HM13: variants seen among roughly 807,000 people sequenced by gnomAD.
The protein encoded by HM13 is histocompatibility minor 13.
In HM13, 18 loss-of-function variants were observed where a neutral mutation model predicts 50.0. The ratio of observed to expected loss-of-function variants is 0.36; its 90% CI spans 0.25 to 0.53. The LOEUF (loss-of-function observed/expected upper bound fraction) is 0.53, where lower values mean the gene tolerates loss of function less well. HM13 is among the 20% of genes least tolerant of loss of function. The pLI is 0.90. For missense variants in HM13, 393 were observed against 552.4 expected, an observed-to-expected ratio of 0.71 and a Z score of 2.89; for synonymous variants, 197 against 232.6, an observed-to-expected ratio of 0.85 and a Z score of 1.39.
intron 4 of HM13, among the ~76,000 whole-genome samples, chr20:31,547,177 G>T (rs1983770858): frequency 6.6e-6 from 1 of 152,230 alleles, no homozygotes; most frequent in Non-Finnish European, 1.5e-5. Context: ...GTGCGCATCT[G>T]CAGTCTTCTG....
At chr20:31,536,026 C>G (rs980087857) in intron 2 of HM13, among the ~76,000 whole-genome samples, 5 of 151,818 alleles carry the variant, frequency 3.3e-5, no homozygotes, top group Non-Finnish European at 5.9e-5. Context: ...CCCCCAAGCC[C>G]TTGTATCCAG....
intron 3 of HM13, among the ~76,000 whole-genome samples, chr20:31,544,599 T>A (rs901581342): frequency 1.3e-5 from 2 of 152,252 alleles, no homozygotes; most frequent in African/African-American, 4.8e-5. Flanking sequence ...ATAGGTGGCA[T>A]GTGGGCCAGA....
chr20:31,536,960 T>C (rs1983150929), intron 2 of HM13, among the ~76,000 whole-genome samples: 1 of 152,254 alleles, frequency 6.6e-6, no homozygotes, highest in Non-Finnish European at 1.5e-5. Flanking sequence ...AGCAGCGACT[T>C]TGCCTGATTC....
At chr20:31,515,578 C>T (rs145904300) in intron 1 of HM13, among the ~76,000 whole-genome samples, 2 of 152,182 alleles carry the variant, frequency 1.3e-5, no homozygotes, top group East Asian at 3.9e-4. Flanking sequence ...CAAGACAATC[C>T]CCCCACCAAA....
At chr20:31,567,198 G>T (rs1984973215) in intron 11 of HM13, among the ~76,000 whole-genome samples, 1 of 152,210 alleles carries the variant, frequency 6.6e-6, no homozygotes, top group Non-Finnish European at 1.5e-5. Flanking sequence ...GTGGGGGCTA[G>T]GGGTGAACTT....
Position 31,549,277 on chromosome 20 carries a change from A to G in HM13, c.611A>G (p.Asn204Ser). The change falls in exon 6 of 13, where the codon AAT becomes AGT. Residue 204 changes from asparagine to serine, a missense_variant. By Grantham distance (46) the Asn-to-Ser change is conservative. Around this residue, in one of 3 missense-constraint regions of HM13, gnomAD observed 214 missense variants for 276.1 expected, o/e 0.77. Transcript: ENST00000398174. ...LNGVELLHLN[N>S]VSTGCILLGG... Reference sequence around the variant, plus strand: ...GGAGTAGAGCTCCTGCACCTCAACAATGTCAGCACTGGCTGCATCCTGCTG... The same window carrying G: ...GGAGTAGAGCTCCTGCACCTCAACAGTGTCAGCACTGGCTGCATCCTGCTG... 6 of 1,614,146 alleles carry G rather than the reference A, an allele frequency of 3.7e-6. No individual in the cohort carries two copies. The South Asian group carries it at 4.4e-5, about 12-fold the overall frequency.
chr20:31,560,595 C>G (rs1984547513), intron 9 of HM13, among the ~76,000 whole-genome samples: 1 of 152,248 alleles, frequency 6.6e-6, no homozygotes, highest in Non-Finnish European at 1.5e-5. Flanking sequence ...TGCCAGCCGT[C>G]TCTACTCCTG....
At chr20:31,534,867 C>T (rs1330520071) in intron 2 of HM13, among the ~76,000 whole-genome samples, 1 of 152,054 alleles carries the variant, frequency 6.6e-6, no homozygotes, top group Non-Finnish European at 1.5e-5. Context: ...GGGCAGATCA[C>T]GTGGTCAGGA....
At chr20:31,526,160 C>CTT (rs543750641) in intron 1 of HM13, among the ~76,000 whole-genome samples, 1 of 142,800 alleles carries the variant, frequency 7.0e-6, no homozygotes, top group Non-Finnish European at 1.5e-5. Flanking sequence ...GTCATAAATC[C>CTT]TTTTTTTTTT....
At chr20:31,535,779 C>T (rs927758695) in intron 2 of HM13, among the ~76,000 whole-genome samples, 1 of 152,186 alleles carries the variant, frequency 6.6e-6, no homozygotes, top group Admixed American at 6.5e-5. Context: ...CTGACCATCC[C>T]TGTCCTCAAG....
At chr20:31,531,844 C>T (rs1982839283) in intron 2 of HM13, among the ~76,000 whole-genome samples, 1 of 152,086 alleles carries the variant, frequency 6.6e-6, no homozygotes, top group South Asian at 2.1e-4. Context: ...GCTTATATTC[C>T]CAGCTACTCA....
At chr20:31,527,430 A>G in intron 1 of HM13, 54 bp from the exon 2 acceptor site, 1 of 1,263,666 alleles carries the variant, frequency 7.9e-7, no homozygotes, top group Non-Finnish European at 1.2e-6. Flanking sequence ...AGAGCCTTGC[A>G]GGAACATATG....
intron 2 of HM13, among the ~76,000 whole-genome samples, chr20:31,534,206 G>A (rs566859626): frequency 2.0e-5 from 3 of 152,160 alleles, no homozygotes; most frequent in East Asian, 1.9e-4. Flanking sequence ...AGGATCACTC[G>A]CACACAGCCA....
chr20:31,550,395 G>A (rs546320254), intron 7 of HM13: 10 of 438,154 alleles, frequency 2.3e-5, no homozygotes, highest in South Asian at 1.4e-4. Flanking sequence ...AACCCAGCCC[G>A]GGGGGCACGC....
intron 4 of HM13, chr20:31,548,715 C>T: frequency 4.9e-6 from 2 of 408,282 alleles, no homozygotes. Context: ...CTGCCTTCCC[C>T]AAGGTCACCC....
At chr20:31,564,279 T>A (rs904713487) in intron 10 of HM13, among the ~76,000 whole-genome samples, 1 of 151,750 alleles carries the variant, frequency 6.6e-6, no homozygotes, top group African/African-American at 2.4e-5. Context: ...GATGTTCCAT[T>A]ACAAATTGCT....
chr20:31,564,702 G>T lies in HM13; in HGVS notation c.949-1508G>T, dbSNP rs184140524. ...CCAGCCTGGCCAACATGGTGAAACCGCATCTCTACTGAAAAATACAAATAT... is the reference window on the plus strand; with the variant it reads ...CCAGCCTGGCCAACATGGTGAAACCTCATCTCTACTGAAAAATACAAATAT... On this transcript the variant is annotated intron_variant, in intron 10 of 12. Coordinates refer to ENST00000398174, the MANE Select transcript of HM13 (RefSeq NM_178581.3). Among the ~76,000 whole-genome samples the T allele has an allele frequency of 1.8e-4, 28 of 151,842 alleles. 1 individual carries two copies. Among genetic ancestry groups the T allele is most frequent in the African/African-American group, 6.5e-4 (27 of 41,400 alleles).
At chr20:31,558,950 C>T (rs535020647) in intron 8 of HM13, among the ~76,000 whole-genome samples, 33 of 151,578 alleles carry the variant, frequency 2.2e-4, no homozygotes, top group Admixed American at 1.8e-3. Context: ...GACAGAGTCT[C>T]GCTGTGTCAC....
chr20:31,533,719 A>G (rs1219424943), intron 2 of HM13, among the ~76,000 whole-genome samples: 12 of 152,132 alleles, frequency 7.9e-5, no homozygotes, highest in African/African-American at 2.9e-4. Flanking sequence ...CTGAGCCCCA[A>G]AGAAGGCACT....
Sources: allele counts gnomAD v4.1 joint callset (sites outside exome capture counted in the v4.1 genomes callset), GRCh38; gene constraint gnomAD v4.1.1; regional missense constraint gnomAD v4.1.1; transcripts MANE v1.5; gene names NCBI Gene and HGNC (gene_info 2026-07-23, HGNC 2026-07-21).